The following FSD1L variants were observed in gnomAD, a reference collection of about 807,000 sequenced individuals.
FSD1L encodes fibronectin type III and SPRY domain containing 1 like.
FSD1L carries 45 observed loss-of-function variants against 71.6 expected under a neutral mutation model. That is an observed-to-expected ratio of 0.63 (90% CI 0.49 to 0.81). FSD1L has a LOEUF of 0.81. Among genes scored for constraint, FSD1L ranks in the 30% least tolerant of loss-of-function variants. The pLI is 0.00. For synonymous variants in FSD1L, 197 were observed against 207.2 expected (o/e 0.95, Z 0.42); for missense variants, 561 against 618.1 (o/e 0.91, Z 0.98).
At chr9:105,461,247 G>A (rs1446945088) in intron 1 of FSD1L, among the ~76,000 whole-genome samples, 7 of 152,126 alleles carry the variant, frequency 4.6e-5, no homozygotes, top group Admixed American at 2.0e-4. Flanking sequence ...GTATTATCCA[G>A]GATGGTAGCT....
At chr9:105,521,824 C>T (rs960275521) in intron 10 of FSD1L, 10 of 1,612,326 alleles carry the variant, frequency 6.2e-6, no homozygotes, top group African/African-American at 1.3e-5. Flanking sequence ...CGAGCTGGTA[C>T]CCAGGCAGTT....
intron 7 of FSD1L, among the ~76,000 whole-genome samples, chr9:105,487,707 T>C (rs544907844): frequency 3.3e-5 from 5 of 151,996 alleles, no homozygotes; most frequent in Non-Finnish European, 7.4e-5. Context: ...TTTATGGTGA[T>C]TTTTTTTCCT....
chr9:105,493,268 C>G (rs1251625697), intron 7 of FSD1L, among the ~76,000 whole-genome samples: 3 of 152,058 alleles, frequency 2.0e-5, no homozygotes, highest in Non-Finnish European at 4.4e-5. Flanking sequence ...CCTTCTTTGT[C>G]TCTTTTGATC....
At chr9:105,507,558 C>T (rs1472600058) in intron 8 of FSD1L, among the ~76,000 whole-genome samples, 1 of 152,132 alleles carries the variant, frequency 6.6e-6, no homozygotes, top group East Asian at 1.9e-4. Context: ...GTTGACGGTC[C>T]CATAGCTAGT....
chr9:105,490,910 C>T (rs1434267151), intron 7 of FSD1L, among the ~76,000 whole-genome samples: 11 of 143,698 alleles, frequency 7.7e-5, no homozygotes, highest in African/African-American at 2.6e-4. Context: ...TTACTGTAGC[C>T]TTGTAGTATA....
In FSD1L at chr9:105,551,079, A is replaced by C. The variant is rs1209910077; in HGVS notation, c.*4596A>C. On this transcript the variant is annotated 3_prime_UTR_variant, in exon 14 of 14. Transcript: ENST00000481272. ...TGTTAGTATTGGAACTTTCTGGAGA[A>C]CATAAGGGCTATGAGAATGCATATA... is the stretch of plus-strand genomic sequence containing the variant. 1 of 152,112 alleles carries C rather than the reference A, an allele frequency of 6.6e-6. No individual in the cohort carries two copies. Among genetic ancestry groups the C allele is most frequent in the African/African-American group, 2.4e-5 (1 of 41,446 alleles). The allele number at this position is 152,112 out of a possible 1,614,324, so 9.4% of individuals were successfully genotyped here.
chr9:105,475,193 C>T (rs1358224766), intron 5 of FSD1L, among the ~76,000 whole-genome samples: 2 of 152,160 alleles, frequency 1.3e-5, no homozygotes, highest in African/African-American at 4.8e-5. Flanking sequence ...ATTTCCAAGT[C>T]AGTGTAACTA....
At chr9:105,444,174 T>C (rs1181026589), upstream of FSD1L, among the ~76,000 whole-genome samples, 1 of 152,114 alleles carries the variant, frequency 6.6e-6, no homozygotes, top group Non-Finnish European at 1.5e-5. Context: ...TGTGCAAGGG[T>C]AAAACAGAAG....
chr9:105,482,462 C>T (rs1832270789), intron 6 of FSD1L, among the ~76,000 whole-genome samples: 1 of 151,944 alleles, frequency 6.6e-6, no homozygotes, highest in Non-Finnish European at 1.5e-5. Context: ...AAATCAGGAG[C>T]GAAGGATCCT....
intron 10 of FSD1L, among the ~76,000 whole-genome samples, chr9:105,514,570 A>G (rs943840410): frequency 6.6e-6 from 1 of 152,220 alleles, no homozygotes; most frequent in African/African-American, 2.4e-5. Context: ...GTAAGTGTGA[A>G]TAAAGGTATT....
chr9:105,484,355 A>T lies in FSD1L; in HGVS notation c.465-26A>T, dbSNP rs549434487. The T allele has an allele frequency of 1.3e-4, 187 of 1,428,968 alleles. 2 individuals are homozygous for T. The South Asian group carries it at 2.9e-3, about 22-fold the overall frequency. 88.5% of individuals were successfully genotyped at this position (1,428,968 alleles called of 1,614,324 possible). ...TTGATACTTCCTATTTCTTTATTTT[A>T]AAAAGTATGTTTGTGTTTACCGTAG... On this transcript the variant is annotated intron_variant, in intron 6 of 13. Transcript: ENST00000481272.
In FSD1L at chr9:105,551,593, G is replaced by C. The variant is rs902921963; in HGVS notation, c.*5110G>C. Reference sequence around the variant, plus strand: ...ATGCATTTACTTTGATAAAGCGTGTGCTTAAAGTGGTATCACCAGTGATTT... The same window carrying C: ...ATGCATTTACTTTGATAAAGCGTGTCCTTAAAGTGGTATCACCAGTGATTT... On this transcript the variant is annotated 3_prime_UTR_variant, in exon 14 of 14. Transcript: ENST00000481272. 1 of 152,148 alleles carries C rather than the reference G, an allele frequency of 6.6e-6. No homozygotes were observed. Among genetic ancestry groups the C allele is most frequent in the African/African-American group, 2.4e-5 (1 of 41,436 alleles). 9.4% of individuals were successfully genotyped at this position (152,148 alleles called of 1,614,324 possible).
At chr9:105,493,957 G>A (rs1833151208) in intron 7 of FSD1L, among the ~76,000 whole-genome samples, 1 of 152,112 alleles carries the variant, frequency 6.6e-6, no homozygotes, top group Non-Finnish European at 1.5e-5. Context: ...TTCAACCTTG[G>A]TGAATCTGAC....
rs542879582 is a variant in FSD1L, at chr9:105,480,356, G to A, written c.464+980G>A. Among the ~76,000 whole-genome samples the A allele has an allele frequency of 1.2e-3, 188 of 150,420 alleles. 1 individual carries two copies. Among genetic ancestry groups the A allele is most frequent in the Admixed American group, 3.5e-3 (53 of 15,134 alleles). ...CACCCAGGCTGGAGTGCAGTGGTGCGATCTTGTCACACTGCAACCTCTGCC... is the reference window on the plus strand; with the variant it reads ...CACCCAGGCTGGAGTGCAGTGGTGCAATCTTGTCACACTGCAACCTCTGCC... On this transcript the variant is annotated intron_variant, in intron 6 of 13. Transcript: ENST00000481272.
At chr9:105,468,980 A>G (rs1564087879) in intron 4 of FSD1L, among the ~76,000 whole-genome samples, 1 of 152,122 alleles carries the variant, frequency 6.6e-6, no homozygotes, top group Non-Finnish European at 1.5e-5. Context: ...TTCTGTTTCC[A>G]TGACTACTCT....
In FSD1L at chr9:105,546,239, T is replaced by A. The variant is rs373293067; in HGVS notation, c.1468-119T>A. ...CCCTCAGCTGAAATATGACAGTTAA[T>A]GTGTTTGAGAATGATTGATGTTCAT... is the stretch of plus-strand genomic sequence containing the variant. On this transcript the variant is annotated intron_variant, in intron 13 of 13. Coordinates refer to ENST00000481272, the MANE Select transcript of FSD1L (RefSeq NM_001145313.3). The A allele has an allele frequency of 1.6e-5, 13 of 834,932 alleles. No individual in the cohort carries two copies. The African/African-American group carries it at 2.3e-4, about 15-fold the overall frequency. The allele number at this position is 834,932 out of a possible 1,614,324, so 51.7% of individuals were successfully genotyped here. A position where few individuals can be genotyped will look rare whatever the true frequency, so the allele number is the denominator to read the frequency against.
intron 7 of FSD1L, among the ~76,000 whole-genome samples, chr9:105,498,665 C>CT (rs1449481995): frequency 3.9e-5 from 6 of 152,194 alleles, no homozygotes; most frequent in African/African-American, 1.4e-4. Context: ...TAATTTCCCT[C>CT]TAAGCACTAT....
chr9:105,451,692 T>C (rs1423486202), intron 1 of FSD1L, among the ~76,000 whole-genome samples: 2 of 152,228 alleles, frequency 1.3e-5, no homozygotes, highest in African/African-American at 4.8e-5. Flanking sequence ...TGGCTTTTGT[T>C]TGATACTCAA....
chr9:105,490,340 T>G (rs1227741036), intron 7 of FSD1L, among the ~76,000 whole-genome samples: 1 of 152,082 alleles, frequency 6.6e-6, no homozygotes, highest in Non-Finnish European at 1.5e-5. Flanking sequence ...TCGCCCACTT[T>G]TTGATGGAGT....
Sources: gnomAD v4.1 joint callset for allele counts (sites outside exome capture counted in the v4.1 genomes callset) on GRCh38, gnomAD v4.1.1 for gene constraint, MANE v1.5 for transcripts, NCBI Gene and HGNC (gene_info 2026-07-23, HGNC 2026-07-21) for gene names.